Variants in CREB5 observed in about 807,000 individuals in gnomAD.
CREB5 encodes the protein cyclic AMP-responsive element-binding protein 5.
In CREB5, 19 loss-of-function variants were observed where a neutral mutation model predicts 57.1. The observed-to-expected ratio is 0.33, with a 90% CI of 0.23 to 0.49. CREB5 has a LOEUF of 0.49. Ranked by LOEUF, CREB5 falls within the 20% of genes least tolerant of loss-of-function variation. The pLI, the probability that CREB5 is intolerant of heterozygous loss-of-function variation, is 0.99. For missense variants in CREB5, 579 were observed against 671.6 expected (o/e 0.86, Z 1.52); for synonymous variants, 238 against 238.3 (o/e 1.00, Z 0.01).
intron 5 of CREB5, among the ~76,000 whole-genome samples, chr7:28,656,447 T>A (rs978159844): frequency 6.6e-6 from 1 of 152,172 alleles, no homozygotes; most frequent in Non-Finnish European, 1.5e-5. Flanking sequence ...AAAAAAGAAA[T>A]CACTCTCATG....
exon 1 of CREB5, chr7:28,299,429 GAGGTCCAGTA>G (rs1278957443): frequency 4.6e-5 from 7 of 152,292 alleles, no homozygotes; most frequent in African/African-American, 1.7e-4. Context: ...CCTGTTTCTG[GAGGTCCAGTA>G]AGGTAGGCAA....
At chr7:28,685,432 G>C (rs924530888) in intron 5 of CREB5, among the ~76,000 whole-genome samples, 1 of 152,154 alleles carries the variant, frequency 6.6e-6, no homozygotes, top group African/African-American at 2.4e-5. Flanking sequence ...GATGCGAGAA[G>C]TCTCCGGAGG....
At chr7:28,581,954 A>G (rs755238620) in intron 5 of CREB5, among the ~76,000 whole-genome samples, 3 of 152,190 alleles carry the variant, frequency 2.0e-5, no homozygotes, top group Non-Finnish European at 2.9e-5. Flanking sequence ...AGGCATTGGA[A>G]AGATACTTCT....
intron 4 of CREB5, among the ~76,000 whole-genome samples, chr7:28,520,925 T>C (rs1333464399): frequency 6.6e-6 from 1 of 152,208 alleles, no homozygotes; most frequent in Admixed American, 6.5e-5. Flanking sequence ...CATATGCTGA[T>C]TTTTTTGCAT....
At chr7:28,764,159 G>C (rs1027417608) in intron 7 of CREB5, among the ~76,000 whole-genome samples, 1 of 151,940 alleles carries the variant, frequency 6.6e-6, no homozygotes, top group African/African-American at 2.4e-5. Flanking sequence ...GCTGGAAGAA[G>C]TTTTCTTCAA....
chr7:28,714,398 G>A (rs1365911509), intron 5 of CREB5, among the ~76,000 whole-genome samples: 1 of 152,104 alleles, frequency 6.6e-6, no homozygotes, highest in Non-Finnish European at 1.5e-5. Flanking sequence ...TGTCTGTCCT[G>A]AGAGTTTAAC....
chr7:28,812,991 A>G (rs1809214856), intron 9 of CREB5, among the ~76,000 whole-genome samples: 1 of 152,180 alleles, frequency 6.6e-6, no homozygotes, highest in African/African-American at 2.4e-5. Context: ...TAAGAAAACA[A>G]AATCAAACTC....
At chr7:28,527,845 ATTGT>A (rs1165169125) in intron 4 of CREB5, among the ~76,000 whole-genome samples, 1 of 151,984 alleles carries the variant, frequency 6.6e-6, no homozygotes, top group African/African-American at 2.4e-5. Context: ...AAATATACTT[ATTGT>A]TTGTTTCATA....
chr7:28,359,897 T>C (rs1031318004), intron 1 of CREB5, among the ~76,000 whole-genome samples: 4 of 152,106 alleles, frequency 2.6e-5, no homozygotes, highest in African/African-American at 9.7e-5. Flanking sequence ...ATAACCTGAT[T>C]TAAAAAATAG....
chr7:28,725,663 GAAAGAAAGAAAGAAAGA>G (rs1562598285), intron 7 of CREB5, among the ~76,000 whole-genome samples: 1 of 142,044 alleles, frequency 7.0e-6, no homozygotes, highest in Admixed American at 7.0e-5. Flanking sequence ...AAAAAAAAAA[GAAAGAAAGAAAGAAAGA>G]AAAGAAAGAA....
At chr7:28,811,805 CATGTT>C (rs939741615) in intron 9 of CREB5, among the ~76,000 whole-genome samples, 2 of 152,254 alleles carry the variant, frequency 1.3e-5, no homozygotes, top group African/African-American at 4.8e-5. Flanking sequence ...TTTGCACAAA[CATGTT>C]AAGTAAATAA....
rs150009916 is a variant in CREB5 at position 28,699,452 on chromosome 7, G to A, written c.465-19301G>A. Among the ~76,000 whole-genome samples the A allele has an allele frequency of 3.9e-5, 6 of 152,282 alleles. No homozygotes were observed. The East Asian group carries it at 1.2e-3, about 29-fold the overall frequency. The stretch of plus-strand genomic sequence containing the variant: ...CATCTCACACAGCACTTTGAGGTAG[G>A]AGTGTGCTCTCTGGGAACCAAAATT... On this transcript the variant is annotated intron_variant, in intron 5 of 10. Coordinates refer to ENST00000357727, the MANE Select transcript of CREB5 (RefSeq NM_182898.4).
At chr7:28,418,480 G>A (rs954130822) in intron 1 of CREB5, among the ~76,000 whole-genome samples, 5 of 152,144 alleles carry the variant, frequency 3.3e-5, no homozygotes, top group Non-Finnish European at 7.4e-5. Context: ...GCTGCAGAGA[G>A]CCTCTGCATC....
intron 4 of CREB5, among the ~76,000 whole-genome samples, chr7:28,512,878 T>C (rs567644884): frequency 6.6e-5 from 10 of 152,334 alleles, no homozygotes; most frequent in African/African-American, 2.2e-4. Context: ...TTAGGACATT[T>C]CCATGCTCTA....
chr7:28,668,308 A>T (rs1583510186), intron 5 of CREB5, among the ~76,000 whole-genome samples: 1 of 152,336 alleles, frequency 6.6e-6, no homozygotes, highest in South Asian at 2.1e-4. Flanking sequence ...TGAAGGAAAA[A>T]ATGAGTGCTT....
At chr7:28,437,538 T>C (rs1281917159) in intron 1 of CREB5, among the ~76,000 whole-genome samples, 1 of 152,190 alleles carries the variant, frequency 6.6e-6, no homozygotes, top group African/African-American at 2.4e-5. Flanking sequence ...TGGTTCAATC[T>C]GTTACCAAAT....
intron 8 of CREB5, among the ~76,000 whole-genome samples, chr7:28,808,116 G>A (rs1208230802): frequency 1.3e-5 from 2 of 152,216 alleles, no homozygotes; most frequent in East Asian, 1.9e-4. Context: ...CACACACAGT[G>A]TGACAGGGCT....
At chr7:28,337,225 A>T (rs1241715484) in intron 1 of CREB5, among the ~76,000 whole-genome samples, 2 of 152,088 alleles carry the variant, frequency 1.3e-5, no homozygotes. Flanking sequence ...TCTACAGTGC[A>T]GATTAAGTTC....
intron 1 of CREB5, among the ~76,000 whole-genome samples, chr7:28,469,680 G>A (rs1790730173): frequency 6.6e-6 from 1 of 152,154 alleles, no homozygotes; most frequent in Non-Finnish European, 1.5e-5. Context: ...AATAAGAGCT[G>A]GCAGTTACAT....
Sources: allele counts gnomAD v4.1 joint callset (sites outside exome capture counted in the v4.1 genomes callset), GRCh38; gene constraint gnomAD v4.1.1; transcripts MANE v1.5; gene names NCBI Gene and HGNC (gene_info 2026-07-23, HGNC 2026-07-21).